Variants in SLC2A9 observed in about 807,000 individuals in gnomAD.
The protein encoded by SLC2A9 is solute carrier family 2, facilitated glucose transporter member 9.
Under a neutral mutation model 50.6 loss-of-function variants are expected in SLC2A9, and 39 were observed. That is an observed-to-expected ratio of 0.77 (90% CI 0.60 to 1.01). SLC2A9 has a LOEUF of 1.01. Ranked by LOEUF, SLC2A9 falls within the 50% of genes least tolerant of loss-of-function variation. The pLI, the probability that SLC2A9 is intolerant of heterozygous loss-of-function variation, is 0.00. For synonymous variants in SLC2A9, 324 were observed against 276.9 expected (o/e 1.17, Z -1.69); for missense variants, 686 against 677.6 (o/e 1.01, Z -0.14).
At chr4:9,873,274 A>G (rs1485147762) in intron 10 of SLC2A9, among the ~76,000 whole-genome samples, 10 of 152,216 alleles carry the variant, frequency 6.6e-5, no homozygotes, top group Admixed American at 6.5e-4. Flanking sequence ...AAGGAGGCCC[A>G]CTTTCTAGTA....
chr4:9,822,995 G>A (rs11938128), downstream of SLC2A9, among the ~76,000 whole-genome samples: 24,116 of 151,940 alleles, frequency 0.16, 2,570 homozygotes, highest in African/African-American at 0.3. Context: ...TTGGGTTTTG[G>A]TTTCTCTCTT....
chr4:9,818,294 C>A (rs1274895310), intron 3 of SLC2A9, among the ~76,000 whole-genome samples: 1 of 152,186 alleles, frequency 6.6e-6, no homozygotes, highest in African/African-American at 2.4e-5. Context: ...CTCCCCCAAG[C>A]AAGGAGGACT....
At chr4:9,775,103 C>T (rs544416741), downstream of SLC2A9, among the ~76,000 whole-genome samples, 10 of 152,292 alleles carry the variant, frequency 6.6e-5, no homozygotes, top group African/African-American at 2.4e-4. Flanking sequence ...GCTAAGGTGA[C>T]AGAAGGACAG....
chr4:9,927,094 G>A (rs1018611166), intron 6 of SLC2A9, among the ~76,000 whole-genome samples: 4 of 149,558 alleles, frequency 2.7e-5, no homozygotes, highest in Admixed American at 2.7e-4. Flanking sequence ...CAGTGATGCA[G>A]TCTCCACTCA....
At chr4:9,773,633 C>A (rs1254104718) in intron 1 of SLC2A9, among the ~76,000 whole-genome samples, 1 of 152,230 alleles carries the variant, frequency 6.6e-6, no homozygotes, top group Non-Finnish European at 1.5e-5. Flanking sequence ...TCCTCACTAT[C>A]ATCCCCTGAG....
chr4:9,890,296 C>T (rs952921133), intron 9 of SLC2A9, among the ~76,000 whole-genome samples: 5 of 152,168 alleles, frequency 3.3e-5, no homozygotes, highest in Non-Finnish European at 4.4e-5. Context: ...TTGTCTAGTG[C>T]AAGCTCTTCT....
intron 10 of SLC2A9, among the ~76,000 whole-genome samples, chr4:9,860,263 T>C (rs948199344): frequency 8.5e-5 from 13 of 152,154 alleles, no homozygotes; most frequent in Non-Finnish European, 1.0e-4. Context: ...TTCGAGGCTG[T>C]TGGGGTCTTC....
chr4:10,010,574 C>T (rs932646137), intron 2 of SLC2A9, among the ~76,000 whole-genome samples: 4 of 152,102 alleles, frequency 2.6e-5, no homozygotes, highest in Admixed American at 6.5e-5. Context: ...GGAGTCATGG[C>T]GAAGCTGTGT....
At chr4:9,905,017 C>T (rs1740372524) in intron 8 of SLC2A9, among the ~76,000 whole-genome samples, 1 of 152,218 alleles carries the variant, frequency 6.6e-6, no homozygotes, top group African/African-American at 2.4e-5. Context: ...AGGAATCCCT[C>T]CCAGAACCCC....
downstream of SLC2A9, among the ~76,000 whole-genome samples, chr4:9,779,577 G>A (rs1017771040): frequency 5.9e-5 from 9 of 151,876 alleles, no homozygotes; most frequent in Admixed American, 1.3e-4. Flanking sequence ...ACCATGCTCA[G>A]CTAATTTTTT....
At chr4:9,802,267 TC>T (rs1172440226) in intron 3 of SLC2A9, among the ~76,000 whole-genome samples, 2 of 116,450 alleles carry the variant, frequency 1.7e-5, no homozygotes, top group Admixed American at 8.3e-5. Flanking sequence ...TGAAAAATGC[TC>T]TTTTTTTTTT....
chr4:9,915,935 A>G (rs1742774165), intron 7 of SLC2A9, among the ~76,000 whole-genome samples: 2 of 152,172 alleles, frequency 1.3e-5, no homozygotes, highest in Admixed American at 6.5e-5. Flanking sequence ...TGGGCTCCAG[A>G]ACTCCTAATG....
At chr4:9,805,451 C>T (rs1434759672) in intron 3 of SLC2A9, among the ~76,000 whole-genome samples, 1 of 152,190 alleles carries the variant, frequency 6.6e-6, no homozygotes, top group Non-Finnish European at 1.5e-5. Context: ...GTAATCCCAG[C>T]ACTTTGAGAG....
chr4:9,991,788 T>C (rs1006875132), intron 3 of SLC2A9, among the ~76,000 whole-genome samples: 4 of 152,142 alleles, frequency 2.6e-5, no homozygotes, highest in Non-Finnish European at 4.4e-5. Context: ...CTGCAAGCCA[T>C]GGAGAGAAGC....
At chr4:9,817,855 C>T (rs568471244) in intron 3 of SLC2A9, among the ~76,000 whole-genome samples, 1 of 152,314 alleles carries the variant, frequency 6.6e-6, no homozygotes, top group East Asian at 1.9e-4. Context: ...GAGCAGCAGA[C>T]AATCCCTGCT....
intron 10 of SLC2A9, among the ~76,000 whole-genome samples, chr4:9,844,149 T>TAAAACAAAAAAAAAAAA (rs1728536859): frequency 1.5e-5 from 1 of 66,856 alleles, no homozygotes; most frequent in Non-Finnish European, 2.5e-5. Flanking sequence ...CCAGATTTAG[T>TAAAACAAAAAAAAAAAA]AAAAAAAAAA....
intron 3 of SLC2A9, among the ~76,000 whole-genome samples, chr4:9,815,289 T>C (rs1723423384): frequency 6.6e-6 from 1 of 152,238 alleles, no homozygotes; most frequent in South Asian, 2.1e-4. Context: ...GCCCCACAGA[T>C]ACAACTTGTC....
intron 5 of SLC2A9, among the ~76,000 whole-genome samples, chr4:9,966,529 G>T (rs1330714584): frequency 6.6e-6 from 1 of 151,932 alleles, no homozygotes; most frequent in East Asian, 1.9e-4. Context: ...GGTGGTGGAT[G>T]CCTGTAGTCC....
At chr4:9,987,107 G>T (rs1304762607) in intron 3 of SLC2A9, among the ~76,000 whole-genome samples, 2 of 152,162 alleles carry the variant, frequency 1.3e-5, no homozygotes, top group African/African-American at 4.8e-5. Flanking sequence ...TGGCAAGCTA[G>T]AAACTTGTTT....
Sources: allele counts gnomAD v4.1 joint callset (sites outside exome capture counted in the v4.1 genomes callset), GRCh38; gene constraint gnomAD v4.1.1; transcripts MANE v1.5; gene names NCBI Gene and HGNC (gene_info 2026-07-23, HGNC 2026-07-21).